PDGFRB: variants seen among roughly 807,000 people sequenced by gnomAD.
PDGFRB encodes platelet derived growth factor receptor beta.
PDGFRB carries 42 observed loss-of-function variants against 120.2 expected under a neutral mutation model. That is an observed-to-expected ratio of 0.35 (90% CI 0.27 to 0.45). The LOEUF (loss-of-function observed/expected upper bound fraction) is 0.45. Ranked by LOEUF, PDGFRB falls within the 20% of genes least tolerant of loss-of-function variation. PDGFRB has a pLI of 1.00. For missense variants in PDGFRB, 1,149 were observed against 1,476.3 expected (o/e 0.78, Z 3.63); for synonymous variants, 586 against 606.8 (o/e 0.97, Z 0.50).
chr5:150,148,433 C>T (rs984528041), intron 1 of PDGFRB, among the ~76,000 whole-genome samples: 3 of 152,226 alleles, frequency 2.0e-5, no homozygotes, highest in Non-Finnish European at 4.4e-5. Flanking sequence ...AGGGAACTGG[C>T]ATGGATAGGC....
At chr5:150,131,154 C>T (rs537451010) in intron 8 of PDGFRB, among the ~76,000 whole-genome samples, 2 of 152,236 alleles carry the variant, frequency 1.3e-5, no homozygotes, top group East Asian at 3.9e-4. Flanking sequence ...TGCTCAAAAC[C>T]CTGCCATGGC....
Position 150,119,510 on chromosome 5 carries a change from G to A in PDGFRB, c.2755C>T (p.Arg919Trp), listed in dbSNP as rs550187329. 24 of 1,613,076 alleles carry A rather than the reference G, an allele frequency of 1.5e-5. No homozygotes were observed. Among genetic ancestry groups the A allele is most frequent in the East Asian group, 4.5e-5 (2 of 44,872 alleles). Residue 919 changes from arginine to tryptophan, a missense_variant, in exon 20 of 23, where the codon CGG becomes TGG. Coordinates refer to ENST00000261799, the MANE Select transcript of PDGFRB (RefSeq NM_002609.4). ...MNEQFYNAIK[R>W]GYRMAQPAHA... The stretch of plus-strand genomic sequence containing the variant: ...GCAGGCTGGGCCATGCGGTAACCCC[G>A]TTTGATGGCATTGTAGAACTGCTCG...
At chr5:150,117,525 G>T in intron 22 of PDGFRB, 93 bp downstream of exon 22, 2 of 668,424 alleles carry the variant, frequency 3.0e-6, no homozygotes, top group African/African-American at 2.1e-5. Context: ...GGCAAACCTG[G>T]CAGCGCGCGC....
In PDGFRB at chr5:150,117,726, GTA is replaced by G. The variant is rs1417337372; in HGVS notation, c.3027_3028del (p.Thr1010CysfsTer6). The G allele has an allele frequency of 3.1e-6, 5 of 1,613,334 alleles. No individual in the cohort carries two copies. Among genetic ancestry groups the G allele is most frequent in the Non-Finnish European group, 4.2e-6 (5 of 1,179,400 alleles). ...GTCACCCTCATTGGGCTGCACGGCA[GTA>G]TAGAGGACGGAGCTGGTGTCCAGGG... On this transcript the variant is annotated frameshift_variant, in exon 22 of 23. Transcript: ENST00000261799. LOFTEE classifies it high-confidence loss of function.
intron 1 of PDGFRB, among the ~76,000 whole-genome samples, chr5:150,146,279 C>G (rs1760918222): frequency 6.6e-6 from 1 of 152,186 alleles, no homozygotes; most frequent in African/African-American, 2.4e-5. Flanking sequence ...GGACATCTTT[C>G]TAGTTATTGT....
intron 14 of PDGFRB, 84 bp from the exon 15 acceptor site, chr5:150,123,285 G>A (rs1018348705): frequency 1.0e-5 from 11 of 1,055,992 alleles, no homozygotes; most frequent in African/African-American, 1.6e-5. Flanking sequence ...GGGGCTGGAT[G>A]TGGGAGAGAC....
chr5:150,121,459 T>A lies in PDGFRB; in HGVS notation c.2345-137A>T, dbSNP rs991946279. 1.5e-6 allele frequency: 1 copy of A among 664,454 alleles called. No individual in the cohort carries two copies. The highest frequency in any genetic ancestry group is 2.8e-6 in the Non-Finnish European group (1 of 363,578). The allele number at this position is 664,454 out of a possible 1,614,324, so 41.2% of individuals were successfully genotyped here. On this transcript the variant is annotated intron_variant, in intron 16 of 22. Transcript: ENST00000261799. This position sits in a 1 kb window ranked among gnomAD's most constrained non-coding sequence, Gnocchi z 4.1. ...GTCTAGGTCTCCCCTAAAAGGAGAA[T>A]GATTTCTTAATATCAAACTCAAAGT...
At position 150,154,337 on chromosome 5, in the gene PDGFRB, G is replaced by A. The variant is rs372740039; in HGVS notation, c.-7+1060C>T. Among the ~76,000 whole-genome samples, 91 of 152,242 alleles carry A rather than the reference G, an allele frequency of 6.0e-4. No homozygotes were observed. In the South Asian group the frequency reaches 0.015, roughly 25 times the overall value. On this transcript the variant is annotated intron_variant, in intron 1 of 22. Transcript: ENST00000261799. ...GCCCAAGTTTGGAGTAATGGGGCACGGGGAGATTCCAACCTCTCCAGGCTG... is the reference window on the plus strand; with the variant it reads ...GCCCAAGTTTGGAGTAATGGGGCACAGGGAGATTCCAACCTCTCCAGGCTG...
At chr5:150,148,327 C>A (rs544599767) in intron 1 of PDGFRB, among the ~76,000 whole-genome samples, 1 of 152,216 alleles carries the variant, frequency 6.6e-6, no homozygotes, top group Admixed American at 6.5e-5. Flanking sequence ...GCTCAGTAAA[C>A]GCTTACACGA....
Position 150,135,849 on chromosome 5 carries a change from G to A in PDGFRB, c.70C>T (p.Leu24Phe), listed in dbSNP as rs762297182. ...GELLLLSLLL[L>F]LEPQISQGLV... ...CCCTGAGAGATCTGTGGTTCCAGAAGTAACAGGAGAGACAGCAACAGCAGC... is the reference window on the plus strand; with the variant it reads ...CCCTGAGAGATCTGTGGTTCCAGAAATAACAGGAGAGACAGCAACAGCAGC... Residue 24 changes from leucine to phenylalanine, a missense_variant, in exon 3 of 23, where the codon CTT becomes TTT. Leu to Phe is a conservative substitution (Grantham distance 22). Around this residue, in one of 3 missense-constraint regions of PDGFRB, gnomAD observed 879 missense variants for 1,108.6 expected, o/e 0.79. Coordinates refer to ENST00000261799, the MANE Select transcript of PDGFRB (RefSeq NM_002609.4). The A allele has an allele frequency of 1.6e-5, 25 of 1,534,882 alleles. No individual in the cohort carries two copies. Among genetic ancestry groups the A allele is most frequent in the Non-Finnish European group, 2.1e-5 (24 of 1,142,446 alleles).
At chr5:150,150,793 C>G (rs1008580592) in intron 1 of PDGFRB, among the ~76,000 whole-genome samples, 1 of 152,156 alleles carries the variant, frequency 6.6e-6, no homozygotes, top group Non-Finnish European at 1.5e-5. Flanking sequence ...CATTCCCCCC[C>G]TCACCTCTGG....
chr5:150,133,094 G>T, intron 6 of PDGFRB, 152 bp from the exon 7 acceptor site: 1 of 635,472 alleles, frequency 1.6e-6, no homozygotes. Context: ...CTGGGGACAG[G>T]GCCTGGAGAA....
rs1331269556 is a variant in PDGFRB at position 150,113,839 on chromosome 5, T to C, written c.*1924A>G. 1 of 228,126 alleles carries C rather than the reference T, an allele frequency of 4.4e-6. No individual in the cohort carries two copies. The highest frequency in any genetic ancestry group is 8.7e-6 in the Non-Finnish European group (1 of 114,632). 14.1% of individuals were successfully genotyped at this position (228,126 alleles called of 1,614,324 possible). On this transcript the variant is annotated 3_prime_UTR_variant, in exon 23 of 23. Coordinates refer to ENST00000261799, the MANE Select transcript of PDGFRB (RefSeq NM_002609.4). ...CAAACCCGAGAGAGACCACAAAGTC[T>C]GTGAGTGAGAAGCACCAGGTTTAAT...
At chr5:150,135,972 C>T in intron 2 of PDGFRB, 94 bp from the exon 3 acceptor site, 1 of 799,776 alleles carries the variant, frequency 1.3e-6, no homozygotes, top group South Asian at 2.1e-5. Context: ...GCACAGCCCT[C>T]AGGTCCTTGA....
At chr5:150,149,995 C>T (rs1471130887) in intron 1 of PDGFRB, among the ~76,000 whole-genome samples, 3 of 152,324 alleles carry the variant, frequency 2.0e-5, no homozygotes, top group Middle Eastern at 6.8e-3. Flanking sequence ...CTTGGCTTCT[C>T]CCCACTTTAT....
At chr5:150,131,839 C>A in intron 8 of PDGFRB, 140 bp downstream of exon 8, 1 of 547,220 alleles carries the variant, frequency 1.8e-6, no homozygotes. Context: ...GGCAGTGGGT[C>A]AGTGGCCTAG....
At chr5:150,154,936 GCTGACTGGCCTAAAGCCAGA>G (rs1562037572) in intron 1 of PDGFRB, among the ~76,000 whole-genome samples, 1 of 152,244 alleles carries the variant, frequency 6.6e-6, no homozygotes, top group Non-Finnish European at 1.5e-5. Flanking sequence ...TTGCCTGGCG[GCTGACTGGCCTAAAGCCAGA>G]CTGATTCTTA....
At chr5:150,124,165 T>A in intron 14 of PDGFRB, 85 bp downstream of exon 14, 3 of 876,102 alleles carry the variant, frequency 3.4e-6, no homozygotes, top group Non-Finnish European at 5.5e-6. Flanking sequence ...TGTGCTGTTG[T>A]GCAAGGCCTG....
At chr5:150,144,284 C>A (rs1333498616) in intron 1 of PDGFRB, among the ~76,000 whole-genome samples, 1 of 152,168 alleles carries the variant, frequency 6.6e-6, no homozygotes, top group South Asian at 2.1e-4. Context: ...TGCTCTCCAT[C>A]CCCCTCAGGC....
Sources: allele counts gnomAD v4.1 joint callset (sites outside exome capture counted in the v4.1 genomes callset), GRCh38; gene constraint gnomAD v4.1.1; regional missense constraint gnomAD v4.1.1; non-coding constraint Gnocchi (gnomAD v3.1); transcripts MANE v1.5; gene names NCBI Gene and HGNC (gene_info 2026-07-23, HGNC 2026-07-21).